The following CSMD1 variants were observed in gnomAD, a reference collection of about 807,000 sequenced individuals.
CSMD1 encodes the protein CUB and Sushi multiple domains 1.
In CSMD1, 213 loss-of-function variants were observed where a neutral mutation model predicts 417.5. That is an observed-to-expected ratio of 0.51 (90% CI 0.46 to 0.57). The LOEUF is 0.57. Among genes scored for constraint, CSMD1 ranks in the 20% least tolerant of loss-of-function variants. The pLI, the probability that CSMD1 is intolerant of heterozygous loss-of-function variation, is 0.00. For missense variants in CSMD1, 6,923 were observed against 4,529.7 expected (o/e 1.53, Z -15.17); for synonymous variants, 2,862 against 1,736.8 (o/e 1.65, Z -16.11).
At chr8:3,270,404 A>T (rs1801753923) in intron 26 of CSMD1, among the ~76,000 whole-genome samples, 2 of 152,092 alleles carry the variant, frequency 1.3e-5, no homozygotes, top group South Asian at 2.1e-4. Context: ...ATTATTTTAA[A>T]GCAGTGAAAA....
intron 40 of CSMD1, among the ~76,000 whole-genome samples, chr8:3,143,995 G>C (rs923608809): frequency 1.3e-5 from 2 of 152,142 alleles, no homozygotes; most frequent in Non-Finnish European, 2.9e-5. Context: ...AGTCATACAA[G>C]AAAAACAATT....
At chr8:3,065,614 G>A (rs185008814) in intron 49 of CSMD1, among the ~76,000 whole-genome samples, 23 of 152,220 alleles carry the variant, frequency 1.5e-4, no homozygotes, top group Non-Finnish European at 2.6e-4. Context: ...AGAAAGATAG[G>A]AAGATGATAG....
chr8:3,200,949 G>C (rs1405644237), intron 32 of CSMD1, among the ~76,000 whole-genome samples: 3 of 152,158 alleles, frequency 2.0e-5, no homozygotes, highest in Non-Finnish European at 2.9e-5. Flanking sequence ...GTACAAATAA[G>C]GGGTAGGTCA....
At chr8:4,321,039 C>A (rs1799246019) in intron 3 of CSMD1, among the ~76,000 whole-genome samples, 1 of 152,162 alleles carries the variant, frequency 6.6e-6, no homozygotes, top group Admixed American at 6.6e-5. Context: ...CATATTTTCA[C>A]ATTTTGTTTT....
chr8:3,165,757 G>C (rs1251772961), intron 37 of CSMD1, among the ~76,000 whole-genome samples: 1 of 152,122 alleles, frequency 6.6e-6, no homozygotes, highest in Non-Finnish European at 1.5e-5. Flanking sequence ...GCAGAAGACA[G>C]CTAGGCTTGA....
chr8:3,456,655 G>A (rs1216192418), intron 12 of CSMD1, among the ~76,000 whole-genome samples: 1 of 152,090 alleles, frequency 6.6e-6, no homozygotes, highest in Non-Finnish European at 1.5e-5. Flanking sequence ...CAGTATCAGA[G>A]GTGGCAATCA....
At chr8:4,485,704 G>C (rs143156982) in intron 2 of CSMD1, among the ~76,000 whole-genome samples, 2 of 151,960 alleles carry the variant, frequency 1.3e-5, no homozygotes, top group Admixed American at 1.3e-4. Flanking sequence ...ATTAACAAAA[G>C]AAATCCCAAA....
intron 1 of CSMD1, among the ~76,000 whole-genome samples, chr8:4,761,306 AACTAATGGAAAC>A (rs928956628): frequency 3.9e-5 from 6 of 152,150 alleles, no homozygotes; most frequent in African/African-American, 1.2e-4. Context: ...GATTTTGAAC[AACTAATGGAAAC>A]AAAATGTAAA....
intron 4 of CSMD1, among the ~76,000 whole-genome samples, chr8:4,019,505 G>A (rs966650338): frequency 6.6e-6 from 1 of 152,162 alleles, no homozygotes; most frequent in Non-Finnish European, 1.5e-5. Context: ...TTGCATGAAT[G>A]TGAAGTTTGG....
chr8:3,733,782 C>T (rs767263196), intron 6 of CSMD1, among the ~76,000 whole-genome samples: 6 of 152,026 alleles, frequency 3.9e-5, no homozygotes, highest in East Asian at 1.9e-4. Flanking sequence ...TGATGGCAAG[C>T]GGGTGGATAC....
intron 3 of CSMD1, among the ~76,000 whole-genome samples, chr8:4,056,103 A>C (rs1053782163): frequency 1.2e-5 from 1 of 84,438 alleles, no homozygotes; most frequent in Admixed American, 1.9e-4. Flanking sequence ...TTTTTTTGAG[A>C]CAGAGTCTCA....
intron 26 of CSMD1, among the ~76,000 whole-genome samples, chr8:3,266,225 G>T (rs929240739): frequency 6.6e-6 from 1 of 150,878 alleles, no homozygotes; most frequent in African/African-American, 2.4e-5. Context: ...GAGTCAGGGG[G>T]CTCCCGGGAT....
At chr8:4,920,118 G>A (rs1432441903) in intron 1 of CSMD1, among the ~76,000 whole-genome samples, 2 of 152,116 alleles carry the variant, frequency 1.3e-5, no homozygotes, top group African/African-American at 4.8e-5. Context: ...ATCAAGGTAG[G>A]TTATCATGAA....
chr8:4,108,859 T>G (rs758025582), intron 3 of CSMD1, among the ~76,000 whole-genome samples: 1 of 152,200 alleles, frequency 6.6e-6, no homozygotes, highest in Non-Finnish European at 1.5e-5. Context: ...AACATCAGCC[T>G]ATCTGCAAGA....
intron 5 of CSMD1, among the ~76,000 whole-genome samples, chr8:3,828,966 C>T (rs1385463310): frequency 1.3e-5 from 2 of 152,182 alleles, no homozygotes; most frequent in African/African-American, 4.8e-5. Context: ...TATGGCAACA[C>T]AGTTCCTTAG....
intron 5 of CSMD1, among the ~76,000 whole-genome samples, chr8:3,936,410 G>C (rs532199090): frequency 5.9e-5 from 9 of 152,138 alleles, no homozygotes; most frequent in Admixed American, 5.9e-4. Flanking sequence ...TAGCTTTAAA[G>C]CTTCAGAAGA....
In CSMD1 at chr8:3,704,347, G is replaced by A. The variant is rs79509551; in HGVS notation, c.1009+4067C>T. ...AGGAAAAATTTCCTCCCTTTTTCAG[G>A]CATATACCCAGTGGGCTCCATAGGA... On this transcript the variant is annotated intron_variant, in intron 7 of 69. Coordinates refer to ENST00000635120, the MANE Select transcript of CSMD1 (RefSeq NM_033225.6). 1.2e-3 allele frequency among the ~76,000 whole-genome samples: 178 copies of A among 152,218 alleles called. 1 individual carries two copies. Among genetic ancestry groups the A allele is most frequent in the African/African-American group, 4.1e-3 (172 of 41,526 alleles).
At chr8:4,970,903 T>C (rs1810198636) in intron 1 of CSMD1, among the ~76,000 whole-genome samples, 2 of 152,126 alleles carry the variant, frequency 1.3e-5, no homozygotes, top group South Asian at 4.1e-4. Flanking sequence ...GAAGTGCTTT[T>C]TATGTAATAA....
At chr8:3,974,923 C>G (rs989716276) in intron 5 of CSMD1, among the ~76,000 whole-genome samples, 1 of 152,070 alleles carries the variant, frequency 6.6e-6, no homozygotes, top group East Asian at 1.9e-4. Context: ...ATAAAATTAT[C>G]TTGATTACTT....
Sources: allele counts gnomAD v4.1 joint callset (sites outside exome capture counted in the v4.1 genomes callset), GRCh38; gene constraint gnomAD v4.1.1; transcripts MANE v1.5; gene names NCBI Gene and HGNC (gene_info 2026-07-23, HGNC 2026-07-21).